ARID3C: variants seen among roughly 807,000 people sequenced by gnomAD.
The protein encoded by ARID3C is AT-rich interactive domain-containing protein 3C.
Under a neutral mutation model 37.9 loss-of-function variants are expected in ARID3C, and 42 were observed. The observed-to-expected ratio is 1.11, with a 90% CI of 0.87 to 1.43. ARID3C has a LOEUF of 1.43. Ranked by LOEUF, ARID3C falls within the 40% of genes most tolerant of loss-of-function variation. ARID3C has a pLI of 0.00. For synonymous variants in ARID3C, 213 were observed against 228.0 expected (o/e 0.93, Z 0.59); for missense variants, 581 against 548.8 (o/e 1.06, Z -0.59).
intron 2 of ARID3C, among the ~76,000 whole-genome samples, chr9:34,625,523 C>T (rs116372193): frequency 0.017 from 2,530 of 152,222 alleles, 84 homozygotes; most frequent in African/African-American, 0.057. Context: ...CCCTCCCACC[C>T]TCCCAATTGA....
intron 2 of ARID3C, among the ~76,000 whole-genome samples, chr9:34,625,073 C>T (rs916169828): frequency 9.5e-6 from 1 of 105,078 alleles, no homozygotes; most frequent in Non-Finnish European, 1.9e-5. Flanking sequence ...GGTGGGGGGG[C>T]GGGGGGTAAC....
At chr9:34,629,119 C>T (rs937826549), upstream of ARID3C, among the ~76,000 whole-genome samples, 8 of 152,124 alleles carry the variant, frequency 5.3e-5, no homozygotes, top group East Asian at 1.5e-3. Context: ...GGGCGGGGCG[C>T]ATGGGGAGAG....
At chr9:34,625,857 C>G (rs770371840) in intron 1 of ARID3C, 43 bp from the exon 3 acceptor site, 1 of 1,606,430 alleles carries the variant, frequency 6.2e-7, no homozygotes, top group South Asian at 1.1e-5. Flanking sequence ...GCTGACTCCC[C>G]CTCCCTCCCT....
intron 1 of ARID3C, 38 bp from the exon 3 acceptor site, chr9:34,625,852 C>T: frequency 6.2e-7 from 1 of 1,607,686 alleles, no homozygotes; most frequent in Non-Finnish European, 8.5e-7. Flanking sequence ...GCTCTGCTGA[C>T]TCCCCCTCCC....
chr9:34,626,176 G>GT (rs1341121039), intron 1 of ARID3C, among the ~76,000 whole-genome samples: 7 of 152,192 alleles, frequency 4.6e-5, no homozygotes, highest in African/African-American at 1.7e-4. Context: ...GGCTGGGGTT[G>GT]TATACCAGAC....
exon 1 of ARID3C, chr9:34,627,969 C>G (rs1442897978): frequency 1.3e-6 from 2 of 1,529,504 alleles, no homozygotes; most frequent in East Asian, 2.5e-5. Flanking sequence ...AATGGCCCCA[C>G]CCCCTGGGCC....
At chr9:34,628,690 C>T (rs775668465), upstream of ARID3C, among the ~76,000 whole-genome samples, 1 of 151,976 alleles carries the variant, frequency 6.6e-6, no homozygotes, top group Non-Finnish European at 1.5e-5. This position sits in a 1 kb window ranked among gnomAD's most constrained non-coding sequence, Gnocchi z 5.2. Context: ...CAGCAGGAAA[C>T]GGACAGAAGA....
upstream of ARID3C, among the ~76,000 whole-genome samples, chr9:34,631,228 CT>C (rs971585329): frequency 6.6e-6 from 1 of 152,068 alleles, no homozygotes; most frequent in African/African-American, 2.4e-5. Flanking sequence ...TTGGAGATCG[CT>C]TTGTAGGGTT....
In ARID3C at chr9:34,624,188, C is replaced by T. The variant is rs991331025; in HGVS notation, c.392-141G>A. On this transcript the variant is annotated intron_variant, in intron 2 of 6. Transcript: ENST00000378909. The stretch of plus-strand genomic sequence containing the variant: ...CGGAGCCCACAGAACCCCAGGGTCT[C>T]TGTTTTAGCAAGAAGGACAGGAGGC... The T allele has an allele frequency of 4.7e-5, 47 of 996,876 alleles. No individual in the cohort carries two copies. The Admixed American group carries it at 5.8e-4, about 12-fold the overall frequency. 61.8% of individuals were successfully genotyped at this position (996,876 alleles called of 1,614,324 possible). A position where few individuals can be genotyped will look rare whatever the true frequency, so the allele number is the denominator to read the frequency against.
intron 1 of ARID3C, among the ~76,000 whole-genome samples, chr9:34,627,405 AG>A (rs2132314659): frequency 6.6e-6 from 1 of 152,228 alleles, no homozygotes; most frequent in South Asian, 2.1e-4. Context: ...CACTTTGGGA[AG>A]CTGAGGTGGG....
chr9:34,627,230 A>C (rs2132314507), intron 1 of ARID3C, among the ~76,000 whole-genome samples: 1 of 152,290 alleles, frequency 6.6e-6, no homozygotes, highest in African/African-American at 2.4e-5. Flanking sequence ...TCTGCTTCCA[A>C]AGACAGAGGA....
At chr9:34,628,230 A>G, upstream of ARID3C, 1 of 557,172 alleles carries the variant, frequency 1.8e-6, no homozygotes. The surrounding 1 kb of genome is among the most constrained non-coding windows in gnomAD (Gnocchi z 5.2). Flanking sequence ...GAACAGAAAC[A>G]GGACCAGACC....
At chr9:34,623,147 C>CAAAAAAAAAAAAAAAAA (rs1334414839) in intron 4 of ARID3C, among the ~76,000 whole-genome samples, 1 of 72,438 alleles carries the variant, frequency 1.4e-5, no homozygotes, top group Non-Finnish European at 2.7e-5. Flanking sequence ...CTCCGTCTCA[C>CAAAAAAAAAAAAAAAAA]AAAAAAAAAA....
chr9:34,622,194 G>A, intron 5 of ARID3C, 85 bp from the exon 7 acceptor site: 1 of 1,580,064 alleles, frequency 6.3e-7, no homozygotes, highest in South Asian at 1.1e-5. Flanking sequence ...CATCCCCGTA[G>A]ACAGCCCCCA....
intron 4 of ARID3C, 25 bp from the exon 6 acceptor site, chr9:34,622,554 C>T (rs369221210): frequency 4.1e-4 from 634 of 1,559,554 alleles, no homozygotes; most frequent in Non-Finnish European, 5.2e-4. Flanking sequence ...TATTCAGCTC[C>T]CCTGGCCAAA....
rs769355082 is a variant in ARID3C at position 34,627,683 on chromosome 9, G to A, written c.318+14C>T. ...ATAGGGAAGAGGGCCGGACATTGAG[G>A]GCATAGGTCCTACCTGCTTGAATTG... On this transcript the variant is annotated intron_variant, in intron 1 of 6. Coordinates refer to ENST00000378909, the Ensembl canonical transcript of ARID3C. The A allele has an allele frequency of 6.3e-7, 1 of 1,581,054 alleles. No homozygotes were observed. The highest frequency in any genetic ancestry group is 1.1e-5 in the South Asian group (1 of 88,052).
exon 4 of ARID3C, chr9:34,623,565 G>C (rs1474512327): frequency 6.2e-7 from 1 of 1,605,330 alleles, no homozygotes; most frequent in East Asian, 2.2e-5. Context: ...AGCGCCCCGA[G>C]GGGGCGGCCC....
At chr9:34,626,536 T>C (rs1363268186) in intron 1 of ARID3C, among the ~76,000 whole-genome samples, 1 of 152,128 alleles carries the variant, frequency 6.6e-6, no homozygotes, top group Admixed American at 6.5e-5. Flanking sequence ...TCCCGAATAC[T>C]AGTCAAGAGA....
chr9:34,621,350 C>T (rs930011800), downstream of ARID3C: 1 of 746,894 alleles, frequency 1.3e-6, no homozygotes, highest in Middle Eastern at 3.7e-4. Flanking sequence ...GAGGTGTCGT[C>T]CCCTCCCAGG....
Sources: allele counts gnomAD v4.1 joint callset (sites outside exome capture counted in the v4.1 genomes callset), GRCh38; gene constraint gnomAD v4.1.1; non-coding constraint Gnocchi (gnomAD v3.1); transcripts MANE v1.5; gene names NCBI Gene and HGNC (gene_info 2026-07-23, HGNC 2026-07-21).